Variants in GBE1 observed in about 807,000 individuals in gnomAD.
GBE1 encodes the protein 1,4-alpha-glucan-branching enzyme.
GBE1 carries 70 observed loss-of-function variants against 88.8 expected under a neutral mutation model. The observed-to-expected ratio is 0.79, with a 90% CI of 0.65 to 0.96. GBE1 has a LOEUF of 0.96. Among genes scored for constraint, GBE1 ranks in the 40% least tolerant of loss-of-function variants. The pLI is 0.00. For missense variants in GBE1, 872 were observed against 871.0 expected (o/e 1.00, Z -0.01); for synonymous variants, 284 against 300.1 (o/e 0.95, Z 0.56).
intron 1 of GBE1, among the ~76,000 whole-genome samples, chr3:81,753,274 A>G (rs766797271): frequency 6.6e-6 from 1 of 152,194 alleles, no homozygotes; most frequent in Non-Finnish European, 1.5e-5. Flanking sequence ...TTAAACACAA[A>G]GGAGCCCTGG....
intron 12 of GBE1, among the ~76,000 whole-genome samples, chr3:81,569,972 C>T (rs986593283): frequency 2.6e-5 from 4 of 152,050 alleles, no homozygotes; most frequent in Middle Eastern, 3.4e-3. Flanking sequence ...TGCCACTACA[C>T]CTGGCTAATT....
At chr3:81,718,619 G>A (rs991946888) in intron 1 of GBE1, among the ~76,000 whole-genome samples, 1 of 151,942 alleles carries the variant, frequency 6.6e-6, no homozygotes, top group African/African-American at 2.4e-5. Flanking sequence ...ACTCCAATAA[G>A]TTTGTTTTGT....
intron 7 of GBE1, among the ~76,000 whole-genome samples, chr3:81,598,511 A>T (rs940649620): frequency 2.6e-5 from 4 of 152,130 alleles, no homozygotes; most frequent in Non-Finnish European, 2.9e-5. Context: ...TTTATTTTTT[A>T]AAATTAAAAG....
chr3:81,575,670 T>C lies in GBE1; in HGVS notation c.1618+2255A>G, dbSNP rs549507397. 2.9e-3 allele frequency among the ~76,000 whole-genome samples: 446 copies of C among 152,244 alleles called. 6 individuals are homozygous for C. The highest frequency in any genetic ancestry group is 9.5e-3 in the African/African-American group (396 of 41,570). ...CCTAAAAGATAAGTAAACAATCAAG[T>C]TGTTTCTTAGTTTTGAAAAAATTTC... On this transcript the variant is annotated intron_variant, in intron 12 of 15. Transcript: ENST00000429644.
At position 81,720,499 on chromosome 3, in the gene GBE1, G is replaced by A. The variant is rs1287482383; in HGVS notation, c.144-14886C>T. Among the ~76,000 whole-genome samples, 3 of 152,070 alleles carry A rather than the reference G, an allele frequency of 2.0e-5. No homozygotes were observed. The East Asian group carries it at 5.8e-4, about 29-fold the overall frequency. On this transcript the variant is annotated intron_variant, in intron 1 of 15. Transcript: ENST00000429644. ...CAGTGGTCCTCTGCATTGTGTGCAT[G>A]TCTCAATTTATTACATCTCCTCCAT...
intron 11 of GBE1, among the ~76,000 whole-genome samples, chr3:81,580,876 A>T (rs577177703): frequency 1.3e-5 from 2 of 152,268 alleles, no homozygotes; most frequent in East Asian, 1.9e-4. Context: ...AAGGGAAAAC[A>T]TATAATACTT....
chr3:81,599,482 A>G (rs1432975472), intron 7 of GBE1, among the ~76,000 whole-genome samples: 2 of 152,188 alleles, frequency 1.3e-5, no homozygotes, highest in Non-Finnish European at 2.9e-5. Flanking sequence ...CTACTACTAC[A>G]CACCTAGGCT....
At chr3:81,556,272 C>G (rs1333069137) in intron 12 of GBE1, among the ~76,000 whole-genome samples, 1 of 151,520 alleles carries the variant, frequency 6.6e-6, no homozygotes, top group Non-Finnish European at 1.5e-5. Context: ...CAACTTTAAA[C>G]AATATAAACA....
At chr3:81,612,633 T>C in intron 7 of GBE1, 1 of 587,642 alleles carries the variant, frequency 1.7e-6, no homozygotes. Flanking sequence ...TGGCGGAGTT[T>C]GTTACATTTC....
At chr3:81,718,666 T>G (rs1705977212) in intron 1 of GBE1, among the ~76,000 whole-genome samples, 1 of 152,182 alleles carries the variant, frequency 6.6e-6, no homozygotes, top group Non-Finnish European at 1.5e-5. Context: ...GATGGAGTTT[T>G]GCTCTTGTTG....
intron 12 of GBE1, among the ~76,000 whole-genome samples, chr3:81,559,489 G>A (rs1339988508): frequency 6.6e-6 from 1 of 151,720 alleles, no homozygotes; most frequent in Non-Finnish European, 1.5e-5. Flanking sequence ...CCCACCCCAT[G>A]AAGTTTTGAT....
At chr3:81,737,789 A>C (rs575151225) in intron 1 of GBE1, among the ~76,000 whole-genome samples, 21 of 152,080 alleles carry the variant, frequency 1.4e-4, no homozygotes, top group African/African-American at 5.1e-4. Context: ...TTTAGGGTAC[A>C]TGTGCACAAT....
chr3:81,545,614 ATG>A (rs3083686), intron 12 of GBE1, among the ~76,000 whole-genome samples: 61 of 149,614 alleles, frequency 4.1e-4, no homozygotes, highest in South Asian at 1.7e-3. Context: ...TATCAAGCAT[ATG>A]TGTGTGTGTG....
chr3:81,691,503 T>A (rs1389000596), intron 2 of GBE1, among the ~76,000 whole-genome samples: 1 of 152,134 alleles, frequency 6.6e-6, no homozygotes, highest in East Asian at 1.9e-4. Context: ...ATGCAGTGGC[T>A]CACACCTGTA....
chr3:81,738,844 T>C lies in GBE1; in HGVS notation c.143+22531A>G, dbSNP rs566253902. On this transcript the variant is annotated intron_variant, in intron 1 of 15. Coordinates refer to ENST00000429644, the MANE Select transcript of GBE1 (RefSeq NM_000158.4). The stretch of plus-strand genomic sequence containing the variant: ...AAATTAAGGGTTAGGAAAGTTAAAT[T>C]ACCCATAGTGTCAGTCCATTCAGGC... Among the ~76,000 whole-genome samples the C allele has an allele frequency of 2.6e-5, 4 of 152,330 alleles. No individual in the cohort carries two copies. The East Asian group carries it at 7.7e-4, about 29-fold the overall frequency.
intron 13 of GBE1, among the ~76,000 whole-genome samples, chr3:81,536,478 T>C (rs1360873221): frequency 6.6e-6 from 1 of 151,724 alleles, no homozygotes; most frequent in Non-Finnish European, 1.5e-5. Flanking sequence ...AATGACAAGT[T>C]AGAGGCCACT....
At chr3:81,720,492 T>C (rs1333955929) in intron 1 of GBE1, among the ~76,000 whole-genome samples, 1 of 152,078 alleles carries the variant, frequency 6.6e-6, no homozygotes, top group East Asian at 1.9e-4. Flanking sequence ...CTCTGCATTG[T>C]GTGCATGTCT....
Position 81,581,193 on chromosome 3 carries a change from C to T in GBE1, c.1418G>A (p.Cys473Tyr). 4.4e-6 allele frequency: 7 copies of T among 1,606,354 alleles called. No individual in the cohort carries two copies. The highest frequency in any genetic ancestry group is 2.2e-5 in the East Asian group (1 of 44,552). Residue 473 changes from cysteine (C) to tyrosine (Y), a missense_variant, in exon 11 of 16, where the codon TGC (cysteine) becomes TAC (tyrosine). By Grantham distance (194) the Cys-to-Tyr change is radical. Transcript: ENST00000429644. ...TLTNRRYLEK[C>Y]IAYAESHDQA... is the part of the protein sequence containing the mutation. ...ATCATGGCTCTCTGCATAAGCAATG[C>T]ACTTTTCAAGGTAGCGCCTGTTTGT...
At chr3:81,547,424 A>G (rs1369380291) in intron 12 of GBE1, among the ~76,000 whole-genome samples, 1 of 151,482 alleles carries the variant, frequency 6.6e-6, no homozygotes, top group East Asian at 1.9e-4. Context: ...TTACACAAGT[A>G]AAGGACCATG....
Sources: allele counts gnomAD v4.1 joint callset (sites outside exome capture counted in the v4.1 genomes callset), GRCh38; gene constraint gnomAD v4.1.1; transcripts MANE v1.5; gene names NCBI Gene and HGNC (gene_info 2026-07-23, HGNC 2026-07-21).